The following ZNF567 variants were observed in gnomAD, a reference collection of about 807,000 sequenced individuals.
ZNF567 encodes the protein zinc finger protein 567.
In ZNF567, 36 loss-of-function variants were observed where a neutral mutation model predicts 53.9. The observed-to-expected ratio is 0.67, with a 90% CI of 0.51 to 0.88. ZNF567 has a LOEUF of 0.88. Ranked by LOEUF, ZNF567 falls within the 40% of genes least tolerant of loss-of-function variation. The probability of loss-of-function intolerance (pLI) is 0.00; values close to 1 mark genes in which losing one functional copy is unlikely to be tolerated. For synonymous variants in ZNF567, 224 were observed against 260.4 expected, an observed-to-expected ratio of 0.86 and a Z score of 1.35; for missense variants, 619 against 764.7, an observed-to-expected ratio of 0.81 and a Z score of 2.25.
chr19:36,680,301 C>G, the ZNF567 span, among the ~76,000 whole-genome samples: 1 of 152,172 alleles, frequency 6.6e-6, no homozygotes, highest in Non-Finnish European at 1.5e-5. Flanking sequence ...ACAGAATCGT[C>G]TAGAACATTG....
Position 36,719,606 on chromosome 19 carries a change from A to G in ZNF567, c.882A>G (p.Ser294=), listed in dbSNP as rs1161991434. ...HQCGNAFRRK[S]YLIDHQRTHT... is the part of the protein sequence containing the mutation. ...GTGGAAATGCATTTAGAAGGAAATC[A>G]TATCTCATTGATCATCAGAGAACTC... The change falls in exon 6 of 6, where the codon TCA becomes TCG. Residue 294 remains serine, a synonymous_variant. Coordinates refer to ENST00000682579, the MANE Select transcript of ZNF567 (RefSeq NM_001322917.1). 9 of 1,614,074 alleles carry G rather than the reference A, an allele frequency of 5.6e-6. 1 individual carries two copies. Among genetic ancestry groups the G allele is most frequent in the South Asian group, 3.3e-5 (3 of 91,088 alleles).
upstream of ZNF567, among the ~76,000 whole-genome samples, chr19:36,684,197 G>A (rs1378183600): frequency 6.6e-6 from 1 of 152,120 alleles, no homozygotes; most frequent in East Asian, 1.9e-4. Context: ...GAAACAAGTA[G>A]ATTTCAAAAC....
chr19:36,695,893 G>A (rs187334127), intron 3 of ZNF567, among the ~76,000 whole-genome samples: 171 of 152,226 alleles, frequency 1.1e-3, no homozygotes, highest in African/African-American at 3.8e-3. Context: ...TAGTGAAATT[G>A]ACAGAATTTA....
At chr19:36,679,288 C>A in the ZNF567 span, among the ~76,000 whole-genome samples, 6 of 152,144 alleles carry the variant, frequency 3.9e-5, no homozygotes, top group East Asian at 5.8e-4. Flanking sequence ...TCCATCCCCC[C>A]CAAAAAAACC....
the ZNF567 span, among the ~76,000 whole-genome samples, chr19:36,680,566 T>C: frequency 6.6e-6 from 1 of 152,228 alleles, no homozygotes; most frequent in Non-Finnish European, 1.5e-5. Flanking sequence ...TGAGACTGCC[T>C]GATTCCCTGT....
At chr19:36,713,312 C>A (rs534697863) in intron 5 of ZNF567, among the ~76,000 whole-genome samples, 1 of 152,114 alleles carries the variant, frequency 6.6e-6, no homozygotes, top group African/African-American at 2.4e-5. Flanking sequence ...CAAAAGTTAG[C>A]TGGGCATGGT....
chr19:36,723,470 T>A, downstream of ZNF567: 1 of 483,650 alleles, frequency 2.1e-6, no homozygotes, highest in Non-Finnish European at 3.7e-6. Flanking sequence ...ATATTCATGT[T>A]TTATAGCTCT....
In ZNF567 at chr19:36,720,562, G is replaced by T; in HGVS notation, c.1838G>T (p.Gly613Val). 1.2e-6 allele frequency: 2 copies of T among 1,613,966 alleles called. No individual in the cohort carries two copies. The highest frequency in any genetic ancestry group is 1.7e-6 in the Non-Finnish European group (2 of 1,179,972). The change falls in exon 6 of 6, where the codon GGT becomes GTT. Residue 613 changes from glycine (G) to valine (V), a missense_variant. Physicochemically the swap from Gly to Val is moderately radical, Grantham distance 109. Transcript: ENST00000682579. ...NLIVHQRTHT[G>V]EKPYVCNECG... is the part of the protein sequence containing the mutation. ...ATTGTACATCAGAGAACTCACACAG[G>T]TGAGAAACCCTATGTTTGTAATGAG...
At chr19:36,703,885 AG>A (rs961431554) in intron 3 of ZNF567, 1 of 153,236 alleles carries the variant, frequency 6.5e-6, no homozygotes, top group Non-Finnish European at 1.5e-5. Context: ...GCGCTTCCCG[AG>A]TGAGGCAATG....
At chr19:36,712,169 C>T in intron 3 of ZNF567, 1 of 424,632 alleles carries the variant, frequency 2.4e-6, no homozygotes, top group Non-Finnish European at 4.4e-6. Flanking sequence ...GCCTCAGCCT[C>T]CCATGTAACT....
At chr19:36,717,549 G>T (rs2040119275) in intron 5 of ZNF567, among the ~76,000 whole-genome samples, 2 of 152,266 alleles carry the variant, frequency 1.3e-5, no homozygotes, top group Non-Finnish European at 2.9e-5. Flanking sequence ...CTGAAAACTT[G>T]TGAGAATATA....
chr19:36,676,354 C>T, the ZNF567 span, among the ~76,000 whole-genome samples: 1 of 145,450 alleles, frequency 6.9e-6, no homozygotes, highest in African/African-American at 2.5e-5. Context: ...GTGTGAGCCA[C>T]TGCACCCAAC....
chr19:36,719,280 C>G lies in ZNF567; in HGVS notation c.556C>G (p.Gln186Glu), dbSNP rs1203270487. The G allele has an allele frequency of 3.7e-6, 6 of 1,613,968 alleles. No individual in the cohort carries two copies. In the South Asian group the frequency reaches 5.5e-5, roughly 15 times the overall value. The change falls in exon 6 of 6, where the codon CAA becomes GAA. Residue 186 changes from glutamine to glutamate, a missense_variant. Gln to Glu is a conservative substitution (Grantham distance 29). Coordinates refer to ENST00000682579, the MANE Select transcript of ZNF567 (RefSeq NM_001322917.1). ...TTHPEVKSHN[Q>E]SARAFSHNEV... The stretch of plus-strand genomic sequence containing the variant: ...TCATCCTGAAGTCAAATCCCATAAT[C>G]AAAGTGCCAGAGCTTTCAGTCATAA...
intron 1 of ZNF567, among the ~76,000 whole-genome samples, chr19:36,688,345 A>G (rs1051879769): frequency 6.6e-6 from 1 of 152,204 alleles, no homozygotes; most frequent in Non-Finnish European, 1.5e-5. Flanking sequence ...GGAGTGCTTG[A>G]GAAACCGAGT....
Position 36,708,071 on chromosome 19 carries a change from T to G in ZNF567, c.10-4315T>G, listed in dbSNP as rs555226845. On this transcript the variant is annotated intron_variant, in intron 3 of 5. Coordinates refer to ENST00000682579, the MANE Select transcript of ZNF567 (RefSeq NM_001322917.1). ...CCACCACACCTAGCTAATTTTTAAA[T>G]TTTTTGTAGAGACAGGGTTTTGCTA... is the stretch of plus-strand genomic sequence containing the variant. 5.9e-5 allele frequency among the ~76,000 whole-genome samples: 9 copies of G among 152,002 alleles called. No homozygotes were observed. In the East Asian group the frequency reaches 1.6e-3, roughly 26 times the overall value.
the ZNF567 span, among the ~76,000 whole-genome samples, chr19:36,667,644 C>CT: frequency 6.0e-4 from 87 of 145,296 alleles, no homozygotes; most frequent in Non-Finnish European, 5.2e-4. Flanking sequence ...TTTCACTCAA[C>CT]TTTTTTTTTT....
chr19:36,720,626 C>T lies in ZNF567; in HGVS notation c.1902C>T (p.Val634=). The T allele has an allele frequency of 6.4e-7, 1 of 1,571,772 alleles. No individual in the cohort carries two copies. The highest frequency in any genetic ancestry group is 8.6e-7 in the Non-Finnish European group (1 of 1,160,898). Residue 634 remains valine, a synonymous_variant, in exon 6 of 6, where the codon GTC becomes GTT. Coordinates refer to ENST00000682579, the MANE Select transcript of ZNF567 (RefSeq NM_001322917.1). ...TCAGTTATAAGAGAAACCTCATTGT[C>T]CATCAAAGAACTCACAAGGGAGAAA... ...KSFSYKRNLI[V]HQRTHKGENI... is the part of the protein sequence containing the mutation.
At chr19:36,703,251 T>C (rs1203970758) in intron 3 of ZNF567, among the ~76,000 whole-genome samples, 1 of 152,122 alleles carries the variant, frequency 6.6e-6, no homozygotes, top group African/African-American at 2.4e-5. Context: ...ATTTTCGTGA[T>C]CCGCAAATGC....
At chr19:36,708,844 C>T (rs77140907) in intron 3 of ZNF567, among the ~76,000 whole-genome samples, 13,285 of 152,202 alleles carry the variant, frequency 0.087, 768 homozygotes, top group Non-Finnish European at 0.12. Context: ...GTGTCAGTCA[C>T]ATACGTTTTA....
Sources: allele counts gnomAD v4.1 joint callset (sites outside exome capture counted in the v4.1 genomes callset), GRCh38; gene constraint gnomAD v4.1.1; transcripts MANE v1.5; gene names NCBI Gene and HGNC (gene_info 2026-07-23, HGNC 2026-07-21).